MAB21L2: variants seen among roughly 807,000 people sequenced by gnomAD.
The protein encoded by MAB21L2 is mab-21 like 2.
Under a neutral mutation model 29.8 loss-of-function variants are expected in MAB21L2, and 15 were observed. The ratio of observed to expected loss-of-function variants is 0.50; its 90% CI spans 0.34 to 0.78. MAB21L2 has a LOEUF of 0.78. MAB21L2 is among the 30% of genes least tolerant of loss of function. The pLI is 0.01. For synonymous variants in MAB21L2, 218 were observed against 210.4 expected (o/e 1.04, Z -0.31); for missense variants, 321 against 480.1 (o/e 0.67, Z 3.10).
Position 150,584,019 on chromosome 4 carries a change from G to GC in MAB21L2, c.994dup (p.His332ProfsTer52), listed in dbSNP as rs1561388043. 2 of 1,613,726 alleles carry GC rather than the reference G, an allele frequency of 1.2e-6. No individual in the cohort carries two copies. Among genetic ancestry groups the GC allele is most frequent in the Non-Finnish European group, 8.5e-7 (1 of 1,179,782 alleles). ...CCAACCTCGACCTCTTTCAGGGCAAGCCCCATTCGGCCCTGGAGAGCGCTG... is the reference window on the plus strand; with the variant it reads ...CCAACCTCGACCTCTTTCAGGGCAAGCCCCCATTCGGCCCTGGAGAGCGCTG... On this transcript the variant is annotated frameshift_variant, in exon 1 of 1. Transcript: ENST00000317605. LOFTEE classifies it high-confidence loss of function.
Position 150,582,834 on chromosome 4 carries a change from G to A in MAB21L2, c.-196G>A. On this transcript the variant is annotated 5_prime_UTR_variant, in exon 1 of 1. Transcript: ENST00000317605. ...TCTTCTGCAGAAGAAAAGAGGTTTCGAAAGAGGGAAAAGGAAAAAACAAGC... is the reference window on the plus strand; with the variant it reads ...TCTTCTGCAGAAGAAAAGAGGTTTCAAAAGAGGGAAAAGGAAAAAACAAGC... 1.9e-6 allele frequency: 1 copy of A among 529,782 alleles called. No individual in the cohort carries two copies. Among genetic ancestry groups the A allele is most frequent in the Non-Finnish European group, 3.2e-6 (1 of 313,830 alleles). The allele number at this position is 529,782 out of a possible 1,614,324, so 32.8% of individuals were successfully genotyped here. A position where few individuals can be genotyped will look rare whatever the true frequency, so the allele number is the denominator to read the frequency against.
Position 150,583,394 on chromosome 4 carries a change from A to G in MAB21L2, c.365A>G (p.Tyr122Cys), listed in dbSNP as rs1434838664. 2 of 1,613,926 alleles carry G rather than the reference A, an allele frequency of 1.2e-6. No individual in the cohort carries two copies. Among genetic ancestry groups the G allele is most frequent in the Non-Finnish European group, 1.7e-6 (2 of 1,180,040 alleles). ...GTCGAGTTCATCACGGCGTCGGGCT[A>G]TCTCTCAGCGCGTAAGATCCGCTCG... The part of the protein sequence containing the change: ...LWVEFITASG[Y>C]LSARKIRSRF... Residue 122 changes from tyrosine (Y) to cysteine (C), a missense_variant, in exon 1 of 1, where the codon TAT becomes TGT. Tyr to Cys is a radical substitution (Grantham distance 194, BLOSUM62 -2). Transcript: ENST00000317605. This position sits in a 1 kb window ranked among gnomAD's most constrained non-coding sequence, Gnocchi z 9.8.
Position 150,583,725 on chromosome 4 carries a change from A to G in MAB21L2, c.696A>G (p.Leu232=). ...QSSAESDAWV[L]QFGEAENRLL... ...CGGCAGAGAGCGACGCCTGGGTGCT[A>G]CAGTTCGGGGAGGCGGAGAACCGCC... Residue 232 remains leucine, a synonymous_variant, in exon 1 of 1, where the codon CTA becomes CTG. Coordinates refer to ENST00000317605, the MANE Select transcript of MAB21L2 (RefSeq NM_006439.5). This position sits in a 1 kb window ranked among gnomAD's most constrained non-coding sequence, Gnocchi z 9.8. 1 of 1,613,546 alleles carries G rather than the reference A, an allele frequency of 6.2e-7. No homozygotes were observed. Among genetic ancestry groups the G allele is most frequent in the Admixed American group, 1.7e-5 (1 of 59,958 alleles).
rs928750958 is a variant in MAB21L2, at chr4:150,582,785, GA to G, written c.-241del. 8 of 454,322 alleles carry G rather than the reference GA, an allele frequency of 1.8e-5. No individual in the cohort carries two copies. The highest frequency in any genetic ancestry group is 3.1e-5 in the Non-Finnish European group (8 of 260,542). The allele number at this position is 454,322 out of a possible 1,614,324, so 28.1% of individuals were successfully genotyped here. ...GTTCCAAGAGGTACTTTTCTTTTTA[GA>G]AAATCACCTTTTCTCCCCTAATTCT... On this transcript the variant is annotated 5_prime_UTR_variant, in exon 1 of 1. Coordinates refer to ENST00000317605, the MANE Select transcript of MAB21L2 (RefSeq NM_006439.5).
Position 150,582,700 on chromosome 4 carries a change from C to T in MAB21L2, c.-330C>T. 2 of 238,612 alleles carry T rather than the reference C, an allele frequency of 8.4e-6. No individual in the cohort carries two copies. The highest frequency in any genetic ancestry group is 1.6e-5 in the Non-Finnish European group (2 of 122,834). 14.8% of individuals were successfully genotyped at this position (238,612 alleles called of 1,614,324 possible). A position where few individuals can be genotyped will look rare whatever the true frequency, so the allele number is the denominator to read the frequency against. On this transcript the variant is annotated 5_prime_UTR_variant, in exon 1 of 1. Coordinates refer to ENST00000317605, the MANE Select transcript of MAB21L2 (RefSeq NM_006439.5). ...TTTTTTCCCTCTCCTTCTCCTTCCT[C>T]ACGCCCACCCCGCTTCTCTCGCACA...
Position 150,583,311 on chromosome 4 carries a change from G to C in MAB21L2, c.282G>C (p.Leu94=). 1 of 1,614,198 alleles carries C rather than the reference G, an allele frequency of 6.2e-7. No homozygotes were observed. The highest frequency in any genetic ancestry group is 1.7e-5 in the Admixed American group (1 of 60,034). ...GVFNFVDDGS[L]PGCAVLKLSD... is the part of the protein sequence containing the mutation. ...TCAACTTCGTGGACGACGGCTCGCT[G>C]CCCGGCTGCGCAGTGCTCAAACTGA... The change falls in exon 1 of 1, where the codon CTG becomes CTC. Residue 94 remains leucine (L), a synonymous_variant. Coordinates refer to ENST00000317605, the MANE Select transcript of MAB21L2 (RefSeq NM_006439.5). This position sits in a 1 kb window ranked among gnomAD's most constrained non-coding sequence, Gnocchi z 9.8.
chr4:150,583,422 T>C lies in MAB21L2; in HGVS notation c.393T>C (p.Arg131=), dbSNP rs1452397291. ...GYLSARKIRS[R]FQTLVAQAVD... is the part of the protein sequence containing the mutation. ...TCTCAGCGCGTAAGATCCGCTCGCG[T>C]TTCCAGACGCTGGTGGCCCAGGCGG... is the stretch of plus-strand genomic sequence containing the variant. The change falls in exon 1 of 1, where the codon CGT becomes CGC. Residue 131 remains arginine (R), a synonymous_variant. Coordinates refer to ENST00000317605, the MANE Select transcript of MAB21L2 (RefSeq NM_006439.5). The surrounding 1 kb of genome is among the most constrained non-coding windows in gnomAD (Gnocchi z 9.8). 2 of 1,613,802 alleles carry C rather than the reference T, an allele frequency of 1.2e-6. No individual in the cohort carries two copies. Among genetic ancestry groups the C allele is most frequent in the African/African-American group, 1.3e-5 (1 of 74,938 alleles).
chr4:150,584,028 G>T lies in MAB21L2; in HGVS notation c.999G>T (p.Ser333=), dbSNP rs768204456. 16 of 1,613,026 alleles carry T rather than the reference G, an allele frequency of 9.9e-6. No homozygotes were observed. The highest frequency in any genetic ancestry group is 1.4e-5 in the Non-Finnish European group (16 of 1,179,468). ...ACCTCTTTCAGGGCAAGCCCCATTC[G>T]GCCCTGGAGAGCGCTGCCAAGCAGA... ...NLDLFQGKPH[S]ALESAAKQTW... is the part of the protein sequence containing the mutation. Residue 333 remains serine (S), a synonymous_variant, in exon 1 of 1, where the codon TCG becomes TCT. Transcript: ENST00000317605.
chr4:150,582,178 A>C lies in MAB21L2; in HGVS notation c.-852A>C, dbSNP rs1448801379. The C allele has an allele frequency of 6.6e-6, 1 of 152,194 alleles. No individual in the cohort carries two copies. The highest frequency in any genetic ancestry group is 1.5e-5 in the Non-Finnish European group (1 of 68,056). 9.4% of individuals were successfully genotyped at this position (152,194 alleles called of 1,614,324 possible). ...ATGCAACGCAAGCAACGACTTCGTC[A>C]CACTAAAACGGATTTTGTGAGGGCC... is the stretch of plus-strand genomic sequence containing the variant. On this transcript the variant is annotated 5_prime_UTR_variant, in exon 1 of 1. Coordinates refer to ENST00000317605, the MANE Select transcript of MAB21L2 (RefSeq NM_006439.5).
At position 150,582,880 on chromosome 4, in the gene MAB21L2, C is replaced by T; in HGVS notation, c.-150C>T. 1 of 864,004 alleles carries T rather than the reference C, an allele frequency of 1.2e-6. No individual in the cohort carries two copies. Among genetic ancestry groups the T allele is most frequent in the Non-Finnish European group, 1.7e-6 (1 of 583,400 alleles). The allele number at this position is 864,004 out of a possible 1,614,324, so 53.5% of individuals were successfully genotyped here. On this transcript the variant is annotated 5_prime_UTR_variant, in exon 1 of 1. Transcript: ENST00000317605. ...CAAGCCGGCTACGGTATCAGCCGGT[C>T]AGCCCAGGTGGAAAACGAGAGTGAA... is the stretch of plus-strand genomic sequence containing the variant.
rs372997346 is a variant in MAB21L2 at position 150,583,788 on chromosome 4, G to A, written c.759G>A (p.Val253=). Residue 253 remains valine, a synonymous_variant, in exon 1 of 1, where the codon GTG becomes GTA. Coordinates refer to ENST00000317605, the MANE Select transcript of MAB21L2 (RefSeq NM_006439.5). This position sits in a 1 kb window ranked among gnomAD's most constrained non-coding sequence, Gnocchi z 9.8. ...GCTGCCGAAACAAGTGCCTCTCAGT[G>A]CTGAAGACTCTGCGGGACCGCCACC... ...MGGCRNKCLS[V]LKTLRDRHLE... is the part of the protein sequence containing the mutation. 3.7e-6 allele frequency: 6 copies of A among 1,614,060 alleles called. No homozygotes were observed. The highest frequency in any genetic ancestry group is 1.3e-5 in the African/African-American group (1 of 74,934).
rs776929944 is a variant in MAB21L2, at chr4:150,583,727, A to C, written c.698A>C (p.Gln233Pro). 6.2e-7 allele frequency: 1 copy of C among 1,613,488 alleles called. No homozygotes were observed. Among genetic ancestry groups the C allele is most frequent in the East Asian group, 2.2e-5 (1 of 44,840 alleles). ...SSAESDAWVL[Q>P]FGEAENRLLM... ...GCAGAGAGCGACGCCTGGGTGCTAC[A>C]GTTCGGGGAGGCGGAGAACCGCCTG... Residue 233 changes from glutamine to proline, a missense_variant, in exon 1 of 1, where the codon CAG becomes CCG. Gln to Pro is a moderately conservative substitution (Grantham distance 76). Coordinates refer to ENST00000317605, the MANE Select transcript of MAB21L2 (RefSeq NM_006439.5). The surrounding 1 kb of genome is among the most constrained non-coding windows in gnomAD (Gnocchi z 9.8).
Position 150,583,468 on chromosome 4 carries a change from G to T in MAB21L2, c.439G>T (p.Asp147Tyr), listed in dbSNP as rs751148176. 2.5e-6 allele frequency: 4 copies of T among 1,613,806 alleles called. No individual in the cohort carries two copies. Among genetic ancestry groups the T allele is most frequent in the Non-Finnish European group, 3.4e-6 (4 of 1,180,044 alleles). ...AQAVDKCSYRDVVKMIADTSE... is the reference protein window; with the variant it reads ...AQAVDKCSYRYVVKMIADTSE... ...GGCGGTGGACAAGTGCAGCTATCGG[G>T]ATGTGGTCAAGATGATCGCGGACAC... is the stretch of plus-strand genomic sequence containing the variant. Residue 147 changes from aspartate to tyrosine, a missense_variant, in exon 1 of 1, where the codon GAT (aspartate) becomes TAT (tyrosine). By Grantham distance (160) the Asp-to-Tyr change is radical. Coordinates refer to ENST00000317605, the MANE Select transcript of MAB21L2 (RefSeq NM_006439.5). The surrounding 1 kb of genome is among the most constrained non-coding windows in gnomAD (Gnocchi z 9.8).
rs377491385 is a variant in MAB21L2, at chr4:150,583,510, C to A, written c.481C>A (p.Arg161Ser). The A allele has an allele frequency of 6.9e-5, 112 of 1,613,768 alleles. No individual in the cohort carries two copies. Among genetic ancestry groups the A allele is most frequent in the Non-Finnish European group, 9.2e-5 (109 of 1,180,008 alleles). The change falls in exon 1 of 1, where the codon CGC becomes AGC. Residue 161 changes from arginine to serine, a missense_variant. Transcript: ENST00000317605. This position sits in a 1 kb window ranked among gnomAD's most constrained non-coding sequence, Gnocchi z 9.8. ...CGCGGACACCAGCGAGGTCAAGTTGCGCATCAGGGAGCGCTATGTGGTGCA... is the reference window on the plus strand; with the variant it reads ...CGCGGACACCAGCGAGGTCAAGTTGAGCATCAGGGAGCGCTATGTGGTGCA... ...MIADTSEVKL[R>S]IRERYVVQIT...
In MAB21L2 at chr4:150,584,133, C is replaced by T. The variant is rs2126405302; in HGVS notation, c.*24C>T. ...AGGGTGCTGGGGACTGCTTGAAAAG[C>T]GACACAAACGGGCGTGCTCTCTCAG... On this transcript the variant is annotated 3_prime_UTR_variant, in exon 1 of 1. Transcript: ENST00000317605. The T allele has an allele frequency of 2.0e-6, 3 of 1,503,518 alleles. No homozygotes were observed. The highest frequency in any genetic ancestry group is 2.7e-6 in the Non-Finnish European group (3 of 1,126,288). 93.1% of individuals were successfully genotyped at this position (1,503,518 alleles called of 1,614,324 possible). A position where few individuals can be genotyped will look rare whatever the true frequency, so the allele number is the denominator to read the frequency against.
chr4:150,584,207 TG>T lies in MAB21L2; in HGVS notation c.*99del. 2 of 1,336,192 alleles carry T rather than the reference TG, an allele frequency of 1.5e-6. No individual in the cohort carries two copies. The highest frequency in any genetic ancestry group is 2.0e-6 in the Non-Finnish European group (2 of 1,018,814). The allele number at this position is 1,336,192 out of a possible 1,614,324, so 82.8% of individuals were successfully genotyped here. A position where few individuals can be genotyped will look rare whatever the true frequency, so the allele number is the denominator to read the frequency against. ...CAGAAACTCTGGACACAAACTTTTA[TG>T]TAAGTCACCTGAAATAGGAATCCGG... On this transcript the variant is annotated 3_prime_UTR_variant, in exon 1 of 1. Coordinates refer to ENST00000317605, the MANE Select transcript of MAB21L2 (RefSeq NM_006439.5).
rs577534418 is a variant in MAB21L2 at position 150,582,607 on chromosome 4, A to T, written c.-423A>T. 1 of 166,462 alleles carries T rather than the reference A, an allele frequency of 6.0e-6. No homozygotes were observed. The highest frequency in any genetic ancestry group is 2.4e-5 in the African/African-American group (1 of 41,688). The allele number at this position is 166,462 out of a possible 1,614,324, so 10.3% of individuals were successfully genotyped here. A position where few individuals can be genotyped will look rare whatever the true frequency, so the allele number is the denominator to read the frequency against. On this transcript the variant is annotated 5_prime_UTR_variant, in exon 1 of 1. Coordinates refer to ENST00000317605, the MANE Select transcript of MAB21L2 (RefSeq NM_006439.5). ...TTAAATTTACTTTGGCACTTAAAAA[A>T]CCTCATTTCCAGATTTCTGGACAAT...
In MAB21L2 at chr4:150,582,753, CA is replaced by C. The variant is rs1377362632; in HGVS notation, c.-272del. The C allele has an allele frequency of 1.0e-5, 4 of 381,776 alleles. No homozygotes were observed. The highest frequency in any genetic ancestry group is 1.9e-5 in the Non-Finnish European group (4 of 213,938). The allele number at this position is 381,776 out of a possible 1,614,324, so 23.6% of individuals were successfully genotyped here. A position where few individuals can be genotyped will look rare whatever the true frequency, so the allele number is the denominator to read the frequency against. On this transcript the variant is annotated 5_prime_UTR_variant, in exon 1 of 1. Coordinates refer to ENST00000317605, the MANE Select transcript of MAB21L2 (RefSeq NM_006439.5). ...GTCATCTTTACATATCAAGAGAAAGCAAAAAGGTTCCAAGAGGTACTTTTCT... is the reference window on the plus strand; with the variant it reads ...GTCATCTTTACATATCAAGAGAAAGCAAAAGGTTCCAAGAGGTACTTTTCT...
Position 150,582,883 on chromosome 4 carries a change from C to T in MAB21L2, c.-147C>T. On this transcript the variant is annotated 5_prime_UTR_variant, in exon 1 of 1. Transcript: ENST00000317605. Reference sequence around the variant, plus strand: ...GCCGGCTACGGTATCAGCCGGTCAGCCCAGGTGGAAAACGAGAGTGAAAGT... The same window carrying T: ...GCCGGCTACGGTATCAGCCGGTCAGTCCAGGTGGAAAACGAGAGTGAAAGT... 1.1e-6 allele frequency: 1 copy of T among 927,482 alleles called. No homozygotes were observed. The highest frequency in any genetic ancestry group is 1.6e-6 in the Non-Finnish European group (1 of 631,026). 57.5% of individuals were successfully genotyped at this position (927,482 alleles called of 1,614,324 possible). A position where few individuals can be genotyped will look rare whatever the true frequency, so the allele number is the denominator to read the frequency against.
Sources: gnomAD v4.1 joint callset for allele counts on GRCh38, gnomAD v4.1.1 for gene constraint, Gnocchi (gnomAD v3.1) non-coding constraint, MANE v1.5 for transcripts, NCBI Gene and HGNC (gene_info 2026-07-23, HGNC 2026-07-21) for gene names.